The following ELAVL3 variants were observed in gnomAD, a reference collection of about 807,000 sequenced individuals.
The protein encoded by ELAVL3 is ELAV like RNA binding protein 3.
ELAVL3 carries 8 observed loss-of-function variants against 34.2 expected under a neutral mutation model. That is an observed-to-expected ratio of 0.23 (90% CI 0.14 to 0.42). The LOEUF is 0.42. Ranked by LOEUF, ELAVL3 falls within the 10% of genes least tolerant of loss-of-function variation. The pLI, the probability that ELAVL3 is intolerant of heterozygous loss-of-function variation, is 1.00. For synonymous variants in ELAVL3, 209 were observed against 222.1 expected (o/e 0.94, Z 0.53); for missense variants, 273 against 518.8 (o/e 0.53, Z 4.60).
Position 11,480,517 on chromosome 19 carries a change from C to T in ELAVL3, c.9+83G>A, listed in dbSNP as rs1327131799. 7 of 1,420,020 alleles carry T rather than the reference C, an allele frequency of 4.9e-6. No homozygotes were observed. The highest frequency in any genetic ancestry group is 1.5e-5 in the African/African-American group (1 of 67,230). 88.0% of individuals were successfully genotyped at this position (1,420,020 alleles called of 1,614,324 possible). A position where few individuals can be genotyped will look rare whatever the true frequency, so the allele number is the denominator to read the frequency against. ...TAGCTAGGCCTGGTCCTACCCCCCC[C>T]GCCGCACCCGCCCAATCTCCGCGGA... On this transcript the variant is annotated intron_variant, in intron 1 of 6. Transcript: ENST00000359227. This position sits in a 1 kb window ranked among gnomAD's most constrained non-coding sequence, Gnocchi z 6.8.
Position 11,480,754 on chromosome 19 carries a change from T to G in ELAVL3, c.-146A>C. 1.4e-6 allele frequency: 1 copy of G among 734,084 alleles called. No homozygotes were observed. The highest frequency in any genetic ancestry group is 1.9e-6 in the Non-Finnish European group (1 of 513,078). The allele number at this position is 734,084 out of a possible 1,614,324, so 45.5% of individuals were successfully genotyped here. A position where few individuals can be genotyped will look rare whatever the true frequency, so the allele number is the denominator to read the frequency against. On this transcript the variant is annotated 5_prime_UTR_variant, in exon 1 of 7. Coordinates refer to ENST00000359227, the MANE Select transcript of ELAVL3 (RefSeq NM_001420.4). This position sits in a 1 kb window ranked among gnomAD's most constrained non-coding sequence, Gnocchi z 6.8. The stretch of plus-strand genomic sequence containing the variant: ...CAGATGTGGCGATGAAGGCGGCGGC[T>G]CCCTCGAGGGCCAGGGACGGGCCCG...
Position 11,458,378 on chromosome 19 carries a change from G to A in ELAVL3, c.487+80C>T. The A allele has an allele frequency of 6.2e-7, 1 of 1,606,294 alleles. No homozygotes were observed. The highest frequency in any genetic ancestry group is 8.5e-7 in the Non-Finnish European group (1 of 1,175,496). ...TCCCTGCTTCATGCCCTGGCATCTT[G>A]GTCGGTTTCCCCACGTTGGTCCCAC... On this transcript the variant is annotated intron_variant, in intron 4 of 6. Transcript: ENST00000359227. The surrounding 1 kb of genome is among the most constrained non-coding windows in gnomAD (Gnocchi z 7.3).
intron 1 of ELAVL3, among the ~76,000 whole-genome samples, chr19:11,473,216 T>G (rs780541378): frequency 1.3e-5 from 2 of 151,624 alleles, no homozygotes; most frequent in South Asian, 2.1e-4. Flanking sequence ...ATACAAAAAA[T>G]TAGCCGGGCA....
rs1429648783 is a variant in ELAVL3, at chr19:11,453,199, G to A, written c.*1327C>T. 1 of 152,178 alleles carries A rather than the reference G, an allele frequency of 6.6e-6. No homozygotes were observed. The highest frequency in any genetic ancestry group is 1.9e-4 in the East Asian group (1 of 5,178). 9.4% of individuals were successfully genotyped at this position (152,178 alleles called of 1,614,324 possible). On this transcript the variant is annotated 3_prime_UTR_variant, in exon 7 of 7. Coordinates refer to ENST00000359227, the MANE Select transcript of ELAVL3 (RefSeq NM_001420.4). ...CTTTGGCCTCAAGTGTTGTGGGGGG[G>A]GGGGCTGCCTCCAGCCCACCGTGAC...
chr19:11,451,494 C>CTTTTTTTTTTT lies in ELAVL3; in HGVS notation c.*3021_*3031dup, dbSNP rs950823031. On this transcript the variant is annotated 3_prime_UTR_variant, in exon 7 of 7. Coordinates refer to ENST00000359227, the MANE Select transcript of ELAVL3 (RefSeq NM_001420.4). The stretch of plus-strand genomic sequence containing the variant: ...TTTTTTTTTTTGTCTTTTGTTTTGT[C>CTTTTTTTTTTT]TTTTTTTTTTTTTTTTTTTTTACAG... The CTTTTTTTTTTT allele has an allele frequency of 3.8e-4, 25 of 65,518 alleles. No individual in the cohort carries two copies. Among genetic ancestry groups the CTTTTTTTTTTT allele is most frequent in the East Asian group, 1.0e-3 (2 of 1,970 alleles). The allele number at this position is 65,518 out of a possible 1,614,324, so 4.1% of individuals were successfully genotyped here.
At chr19:11,463,832 G>A (rs909825963) in intron 3 of ELAVL3, among the ~76,000 whole-genome samples, 2 of 151,902 alleles carry the variant, frequency 1.3e-5, no homozygotes, top group Admixed American at 6.6e-5. Flanking sequence ...AGCCAGGTGT[G>A]GTGGCGGGTG....
In ELAVL3 at chr19:11,454,270, C is replaced by T. The variant is rs991839091; in HGVS notation, c.*256G>A. On this transcript the variant is annotated 3_prime_UTR_variant, in exon 7 of 7. Coordinates refer to ENST00000359227, the MANE Select transcript of ELAVL3 (RefSeq NM_001420.4). This position sits in a 1 kb window ranked among gnomAD's most constrained non-coding sequence, Gnocchi z 9.2. The stretch of plus-strand genomic sequence containing the variant: ...ACCTTCACCATGAACCAAACCAAGA[C>T]GAGAGAGTGAACAGCCCAGCCTGGG... The T allele has an allele frequency of 8.2e-6, 4 of 486,726 alleles. No homozygotes were observed. The highest frequency in any genetic ancestry group is 3.7e-5 in the South Asian group (1 of 27,142). 30.2% of individuals were successfully genotyped at this position (486,726 alleles called of 1,614,324 possible).
At chr19:11,455,827 G>A (rs1183134295) in intron 6 of ELAVL3, among the ~76,000 whole-genome samples, 12 of 152,170 alleles carry the variant, frequency 7.9e-5, no homozygotes, top group Admixed American at 7.2e-4. Context: ...GCACTTGGGA[G>A]GTGTCTGTTG....
rs1244915874 is a variant in ELAVL3, at chr19:11,480,151, G to C, written c.9+449C>G. On this transcript the variant is annotated intron_variant, in intron 1 of 6. Coordinates refer to ENST00000359227, the MANE Select transcript of ELAVL3 (RefSeq NM_001420.4). This position sits in a 1 kb window ranked among gnomAD's most constrained non-coding sequence, Gnocchi z 6.8. The stretch of plus-strand genomic sequence containing the variant: ...GCCTCCCGGGTGCGGCCGAGGCCCG[G>C]GGCGCGCGATCCGACGCCACCCGCT... The C allele has an allele frequency of 6.3e-6, 1 of 158,048 alleles. No individual in the cohort carries two copies. Among genetic ancestry groups the C allele is most frequent in the Non-Finnish European group, 1.4e-5 (1 of 72,216 alleles). 9.8% of individuals were successfully genotyped at this position (158,048 alleles called of 1,614,324 possible).
chr19:11,476,221 C>T lies in ELAVL3; in HGVS notation c.9+4379G>A, dbSNP rs193190307. On this transcript the variant is annotated intron_variant, in intron 1 of 6. Coordinates refer to ENST00000359227, the MANE Select transcript of ELAVL3 (RefSeq NM_001420.4). ...TGAAACTTCCAGGTGGTTCTCCTGC[C>T]GTTGAACATGATGAGATTCCTTTCT... Among the ~76,000 whole-genome samples the T allele has an allele frequency of 2.0e-3, 308 of 152,170 alleles. 2 individuals are homozygous for T. Among genetic ancestry groups the T allele is most frequent in the East Asian group, 9.5e-3 (49 of 5,182 alleles).
chr19:11,476,684 A>C (rs937076809), intron 1 of ELAVL3, among the ~76,000 whole-genome samples: 1 of 152,130 alleles, frequency 6.6e-6, no homozygotes, highest in Middle Eastern at 3.2e-3. Context: ...GGATCACCTG[A>C]GGTCAGGAGT....
chr19:11,471,095 G>A (rs552650089), intron 1 of ELAVL3, among the ~76,000 whole-genome samples: 2 of 151,804 alleles, frequency 1.3e-5, no homozygotes, highest in East Asian at 1.9e-4. Flanking sequence ...GGCGGATCAC[G>A]AGGTCAGAGT....
rs1238887988 is a variant in ELAVL3 at position 11,452,399 on chromosome 19, T to C, written c.*2127A>G. 2 of 150,096 alleles carry C rather than the reference T, an allele frequency of 1.3e-5. No individual in the cohort carries two copies. Among genetic ancestry groups the C allele is most frequent in the East Asian group, 1.9e-4 (1 of 5,148 alleles). The allele number at this position is 150,096 out of a possible 1,614,324, so 9.3% of individuals were successfully genotyped here. A position where few individuals can be genotyped will look rare whatever the true frequency, so the allele number is the denominator to read the frequency against. ...CAACGAGGAGAATAAATAGTTAACA[T>C]AGCAATAAGTTAAAACTACAAGAAG... On this transcript the variant is annotated 3_prime_UTR_variant, in exon 7 of 7. Transcript: ENST00000359227.
chr19:11,465,101 CACAT>C (rs1408442987), intron 3 of ELAVL3, among the ~76,000 whole-genome samples: 1 of 122,102 alleles, frequency 8.2e-6, no homozygotes, highest in African/African-American at 3.1e-5. Flanking sequence ...ACACCACACA[CACAT>C]ACACATACAC....
intron 3 of ELAVL3, among the ~76,000 whole-genome samples, chr19:11,463,374 G>A (rs1023158315): frequency 2.0e-5 from 3 of 152,168 alleles, no homozygotes; most frequent in Admixed American, 1.3e-4. Context: ...ATGCAGTGCC[G>A]CCCCGCTGCA....
rs201790734 is a variant in ELAVL3 at position 11,458,026 on chromosome 19, C to A, written c.713+35G>T. The A allele has an allele frequency of 2.7e-4, 436 of 1,600,316 alleles. No homozygotes were observed. Among genetic ancestry groups the A allele is most frequent in the Non-Finnish European group, 2.6e-4 (302 of 1,175,884 alleles). On this transcript the variant is annotated intron_variant, in intron 5 of 6. Coordinates refer to ENST00000359227, the MANE Select transcript of ELAVL3 (RefSeq NM_001420.4). This position sits in a 1 kb window ranked among gnomAD's most constrained non-coding sequence, Gnocchi z 7.3. ...GGGAGGGTTGCAAGCTTGGGGGCAC[C>A]CGGCCTGGGGCCATCTGGCTGGCAG...
At chr19:11,464,447 G>A (rs1210394816) in intron 3 of ELAVL3, among the ~76,000 whole-genome samples, 2 of 151,804 alleles carry the variant, frequency 1.3e-5, no homozygotes, top group East Asian at 3.9e-4. Context: ...ATAGGCGTGG[G>A]CCACTGTGCC....
At chr19:11,456,865 A>C (rs1970779186) in intron 6 of ELAVL3, among the ~76,000 whole-genome samples, 1 of 151,626 alleles carries the variant, frequency 6.6e-6, no homozygotes, top group African/African-American at 2.4e-5. Flanking sequence ...GGATCTCACT[A>C]TGTTGCCCAG....
chr19:11,457,103 C>T lies in ELAVL3; in HGVS notation c.752+7G>A. On this transcript the variant is annotated splice_region_variant and intron_variant, in intron 6 of 6. Transcript: ENST00000359227. ...GGGTGGGGACAGTGGGGCGGGGTCA[C>T]TGTTACCTCTTGACGCCGTAGGCCA... 6.5e-7 allele frequency: 1 copy of T among 1,527,868 alleles called. No individual in the cohort carries two copies. The highest frequency in any genetic ancestry group is 8.7e-7 in the Non-Finnish European group (1 of 1,145,986). The allele number at this position is 1,527,868 out of a possible 1,614,324, so 94.6% of individuals were successfully genotyped here.
Sources: gnomAD v4.1 joint callset for allele counts (sites outside exome capture counted in the v4.1 genomes callset) on GRCh38, gnomAD v4.1.1 for gene constraint, Gnocchi (gnomAD v3.1) non-coding constraint, MANE v1.5 for transcripts, NCBI Gene and HGNC (gene_info 2026-07-23, HGNC 2026-07-21) for gene names.